ELMOD1: variants seen among roughly 807,000 people sequenced by gnomAD.
The protein encoded by ELMOD1 is ELMO domain containing 1.
Under a neutral mutation model 46.7 loss-of-function variants are expected in ELMOD1, and 21 were observed. The ratio of observed to expected loss-of-function variants is 0.45; its 90% CI spans 0.32 to 0.65. The LOEUF (loss-of-function observed/expected upper bound fraction) is 0.65, where lower values mean the gene tolerates loss of function less well. ELMOD1 is among the 30% of genes least tolerant of loss of function. The pLI is 0.04. For missense variants in ELMOD1, 348 were observed against 407.8 expected, an observed-to-expected ratio of 0.85 and a Z score of 1.26; for synonymous variants, 122 against 138.2, an observed-to-expected ratio of 0.88 and a Z score of 0.82.
At chr11:107,610,848 T>G (rs1034489616) in intron 1 of ELMOD1, among the ~76,000 whole-genome samples, 4 of 151,828 alleles carry the variant, frequency 2.6e-5, no homozygotes. Flanking sequence ...CTTCCTATCC[T>G]GAAAGGGCTC....
In ELMOD1 at chr11:107,618,088, C is replaced by G. The variant is rs1343972857; in HGVS notation, c.-85-17C>G. 7.5e-7 allele frequency: 1 copy of G among 1,338,866 alleles called. No homozygotes were observed. The highest frequency in any genetic ancestry group is 1.0e-6 in the Non-Finnish European group (1 of 954,228). The allele number at this position is 1,338,866 out of a possible 1,614,324, so 82.9% of individuals were successfully genotyped here. On this transcript the variant is annotated splice_polypyrimidine_tract_variant and intron_variant, in intron 1 of 11. Transcript: ENST00000265840. ...CCTTATTAGTAAATATACCTAATAT[C>G]TAATTTCTTCCCACAGTTGACACTT... is the stretch of plus-strand genomic sequence containing the variant.
At chr11:107,598,786 C>T (rs1865537837) in intron 1 of ELMOD1, among the ~76,000 whole-genome samples, 1 of 152,230 alleles carries the variant, frequency 6.6e-6, no homozygotes, top group African/African-American at 2.4e-5. Flanking sequence ...AGTTCTGTGT[C>T]AGCATTTCAA....
rs561696996 is a variant in ELMOD1, at chr11:107,641,349, A to G, written c.420+5584A>G. 2.3e-4 allele frequency among the ~76,000 whole-genome samples: 35 copies of G among 152,268 alleles called. 1 individual carries two copies. Among genetic ancestry groups the G allele is most frequent in the African/African-American group, 8.2e-4 (34 of 41,570 alleles). On this transcript the variant is annotated intron_variant, in intron 6 of 11. Coordinates refer to ENST00000265840, the MANE Select transcript of ELMOD1 (RefSeq NM_018712.4). ...TATATATATATCTCTAACAGGAAGA[A>G]TCAAACTAGTTTAATAACTTGTTTT...
At chr11:107,631,792 T>G (rs1866146555) in intron 5 of ELMOD1, 115 bp downstream of exon 5, 1 of 539,022 alleles carries the variant, frequency 1.9e-6, no homozygotes, top group Middle Eastern at 4.6e-4. Context: ...AATAATCATC[T>G]GCCATGTTTT....
At chr11:107,665,003 A>C (rs1866816677) in intron 11 of ELMOD1, 22 bp from the exon 12 acceptor site, 2 of 1,588,936 alleles carry the variant, frequency 1.3e-6, no homozygotes, top group Non-Finnish European at 8.6e-7. Context: ...CTGCATTCTT[A>C]TCATTGTATT....
rs1300074237 is a variant in ELMOD1 at position 107,654,109 on chromosome 11, A to G, written c.648-63A>G. On this transcript the variant is annotated intron_variant, in intron 9 of 11. Coordinates refer to ENST00000265840, the MANE Select transcript of ELMOD1 (RefSeq NM_018712.4). ...TTAACAGTTTTAACATAAGCATTAA[A>G]AGAGAACAAGTACCAATTAGAGGTT... is the stretch of plus-strand genomic sequence containing the variant. The G allele has an allele frequency of 3.6e-6, 5 of 1,378,996 alleles. No individual in the cohort carries two copies. In the East Asian group the frequency reaches 9.9e-5, roughly 27 times the overall value. 85.4% of individuals were successfully genotyped at this position (1,378,996 alleles called of 1,614,324 possible).
chr11:107,625,926 A>G (rs182784991), intron 2 of ELMOD1, among the ~76,000 whole-genome samples: 5 of 152,308 alleles, frequency 3.3e-5, no homozygotes, highest in African/African-American at 1.2e-4. Flanking sequence ...TTAGGAAGCT[A>G]CAGTAACTCT....
chr11:107,602,196 CAAAAT>C (rs989050620), intron 1 of ELMOD1, among the ~76,000 whole-genome samples: 26 of 152,144 alleles, frequency 1.7e-4, no homozygotes, highest in African/African-American at 6.3e-4. Context: ...TTCCTGTTGA[CAAAAT>C]GAATGCTCCT....
chr11:107,626,025 G>T (rs948501477), intron 2 of ELMOD1, among the ~76,000 whole-genome samples: 5 of 152,182 alleles, frequency 3.3e-5, no homozygotes, highest in African/African-American at 1.2e-4. Context: ...GAAAGAGGAG[G>T]TGGTGATCAG....
At chr11:107,620,932 T>G (rs1225294057) in intron 2 of ELMOD1, among the ~76,000 whole-genome samples, 1 of 152,120 alleles carries the variant, frequency 6.6e-6, no homozygotes, top group African/African-American at 2.4e-5. Context: ...CATATCTACA[T>G]GTGATCAGAA....
At chr11:107,656,798 A>G (rs1156372770) in intron 11 of ELMOD1, among the ~76,000 whole-genome samples, 2 of 152,150 alleles carry the variant, frequency 1.3e-5, no homozygotes, top group African/African-American at 4.8e-5. Flanking sequence ...GCCTGAGTTA[A>G]TTCTCAGATC....
chr11:107,598,736 CTG>C (rs1240727849), intron 1 of ELMOD1, among the ~76,000 whole-genome samples: 2 of 152,204 alleles, frequency 1.3e-5, no homozygotes, highest in African/African-American at 4.8e-5. Context: ...CCACTCCAGT[CTG>C]TGCCTGGTGG....
intron 1 of ELMOD1, chr11:107,592,635 C>CACA (rs1865423253): frequency 6.8e-6 from 2 of 295,934 alleles, no homozygotes; most frequent in Admixed American, 8.2e-5. Flanking sequence ...TTGCCAAAGG[C>CACA]ACACTCTTGT....
At chr11:107,619,263 T>G (rs1031762348) in intron 2 of ELMOD1, among the ~76,000 whole-genome samples, 4 of 152,252 alleles carry the variant, frequency 2.6e-5, no homozygotes, top group Admixed American at 2.6e-4. Context: ...AAACAATTTA[T>G]AGTCATCAGC....
intron 1 of ELMOD1, chr11:107,600,621 T>C (rs1865581121): frequency 6.5e-6 from 1 of 152,782 alleles, no homozygotes; most frequent in African/African-American, 2.4e-5. Flanking sequence ...CATAATACCG[T>C]ATCAAATGAT....
intron 6 of ELMOD1, among the ~76,000 whole-genome samples, chr11:107,640,157 C>A (rs984574828): frequency 1.3e-5 from 2 of 152,150 alleles, no homozygotes; most frequent in African/African-American, 2.4e-5. Context: ...GCATGAGCCA[C>A]AGCGCCTGGC....
chr11:107,657,021 A>C (rs1441221964), intron 11 of ELMOD1, among the ~76,000 whole-genome samples: 3 of 152,218 alleles, frequency 2.0e-5, no homozygotes, highest in Admixed American at 6.5e-5. Context: ...AAATAAATTA[A>C]GAAAAATTTT....
At chr11:107,664,038 T>G (rs188573089) in intron 11 of ELMOD1, among the ~76,000 whole-genome samples, 361 of 152,278 alleles carry the variant, frequency 2.4e-3, no homozygotes, top group African/African-American at 8.3e-3. Flanking sequence ...GAGGCTGGAG[T>G]GCAGTGGCGC....
chr11:107,642,780 G>A (rs867454702), intron 6 of ELMOD1: 8 of 173,408 alleles, frequency 4.6e-5, no homozygotes, highest in East Asian at 1.8e-4. Flanking sequence ...TATACTAAAC[G>A]AAGAAGCTAG....
Sources: allele counts gnomAD v4.1 joint callset (sites outside exome capture counted in the v4.1 genomes callset), GRCh38; gene constraint gnomAD v4.1.1; transcripts MANE v1.5; gene names NCBI Gene and HGNC (gene_info 2026-07-23, HGNC 2026-07-21).